The following CR1L variants were observed in gnomAD, a reference collection of about 807,000 sequenced individuals.
CR1L encodes the protein complement C3b/C4b receptor 1 like, also known as complement component receptor 1-like protein.
Under a neutral mutation model 62.3 loss-of-function variants are expected in CR1L, and 59 were observed. The observed-to-expected ratio is 0.95, with a 90% CI of 0.77 to 1.18. CR1L has a LOEUF of 1.18. Ranked by LOEUF, CR1L falls within the 50% of genes most tolerant of loss-of-function variation. CR1L has a pLI of 0.00. For synonymous variants in CR1L, 279 were observed against 248.7 expected (o/e 1.12, Z -1.15); for missense variants, 700 against 702.8 (o/e 1.00, Z 0.04).
At chr1:207,660,047 G>A (rs1663385121) in intron 1 of CR1L, among the ~76,000 whole-genome samples, 1 of 152,246 alleles carries the variant, frequency 6.6e-6, no homozygotes, top group Non-Finnish European at 1.5e-5. Context: ...GCCCACTGCA[G>A]CTCAGCAAGG....
Position 207,706,629 on chromosome 1 carries a change from C to T in CR1L, c.1329-1549C>T, listed in dbSNP as rs1024749260. On this transcript the variant is annotated intron_variant, in intron 9 of 11. Transcript: ENST00000508064. ...AAAAGAAATAAATTTATTGACACCA[C>T]ATTGATTCTACACAACACTAAATTG... Among the ~76,000 whole-genome samples the T allele has an allele frequency of 5.9e-5, 9 of 152,078 alleles. No individual in the cohort carries two copies. The South Asian group carries it at 1.0e-3, about 17-fold the overall frequency.
chr1:207,650,601 A>G (rs1438807729), intron 1 of CR1L, among the ~76,000 whole-genome samples: 2 of 152,170 alleles, frequency 1.3e-5, no homozygotes, highest in Non-Finnish European at 2.9e-5. Context: ...AAGGTTTTAA[A>G]TAGATTGGAT....
At chr1:207,650,064 C>G (rs1558009152) in intron 1 of CR1L, among the ~76,000 whole-genome samples, 1 of 151,860 alleles carries the variant, frequency 6.6e-6, no homozygotes, top group Non-Finnish European at 1.5e-5. Flanking sequence ...CTTGGGCCTC[C>G]CTTTGTTGTT....
At chr1:207,682,836 G>A (rs1221769694) in intron 3 of CR1L, among the ~76,000 whole-genome samples, 1 of 152,036 alleles carries the variant, frequency 6.6e-6, no homozygotes, top group Non-Finnish European at 1.5e-5. Flanking sequence ...CCAAATTTAT[G>A]GCACACTTTG....
intron 1 of CR1L, chr1:207,657,287 T>G (rs1430107663): frequency 4.1e-6 from 6 of 1,479,490 alleles, no homozygotes; most frequent in Non-Finnish European, 5.7e-6. Context: ...TGGTGACAAT[T>G]CAGTATGGAA....
chr1:207,697,699 G>T lies in CR1L; in HGVS notation c.1039+20G>T, dbSNP rs1664126298. 4 of 1,613,956 alleles carry T rather than the reference G, an allele frequency of 2.5e-6. No homozygotes were observed. The East Asian group carries it at 8.9e-5, about 36-fold the overall frequency. On this transcript the variant is annotated intron_variant, in intron 6 of 11. Coordinates refer to ENST00000508064, the MANE Select transcript of CR1L (RefSeq NM_175710.2). ...GTGAAGGTGACTAGACTCTTATCTG[G>T]CTTGGTATTTTTAGCTTGCGTCTTT...
chr1:207,702,323 C>A (rs1369536805), intron 9 of CR1L, among the ~76,000 whole-genome samples: 4 of 152,174 alleles, frequency 2.6e-5, no homozygotes, highest in Admixed American at 6.5e-5. Flanking sequence ...GCTCCATGGA[C>A]AAGACATTCC....
intron 1 of CR1L, among the ~76,000 whole-genome samples, chr1:207,660,346 T>C (rs747537693): frequency 6.6e-6 from 1 of 152,206 alleles, no homozygotes; most frequent in Non-Finnish European, 1.5e-5. Flanking sequence ...GGCAGCAATA[T>C]TGACTGTTCT....
At chr1:207,698,781 C>T (rs1326837947) in intron 7 of CR1L, among the ~76,000 whole-genome samples, 1 of 152,196 alleles carries the variant, frequency 6.6e-6, no homozygotes, top group Non-Finnish European at 1.5e-5. Flanking sequence ...TCTGTTCTCT[C>T]GCCAGCTATT....
chr1:207,715,717 T>C (rs1489404061), intron 10 of CR1L, among the ~76,000 whole-genome samples: 1 of 152,188 alleles, frequency 6.6e-6, no homozygotes, highest in Non-Finnish European at 1.5e-5. Flanking sequence ...ACATTTTTTT[T>C]TTCTTTTTTG....
intron 4 of CR1L, among the ~76,000 whole-genome samples, chr1:207,690,580 TATGG>T: frequency 6.6e-6 from 1 of 152,344 alleles, no homozygotes; most frequent in South Asian, 2.1e-4. Flanking sequence ...TTCTCTCAGT[TATGG>T]AGAAGCATGT....
Position 207,707,290 on chromosome 1 carries a change from T to G in CR1L, c.1329-888T>G, listed in dbSNP as rs115664350. Reference sequence around the variant, plus strand: ...CATTTTATTCATTGCTTTCTCCTCATCCTCATCATGGGACATCGTGAAATC... The same window carrying G: ...CATTTTATTCATTGCTTTCTCCTCAGCCTCATCATGGGACATCGTGAAATC... On this transcript the variant is annotated intron_variant, in intron 9 of 11. Coordinates refer to ENST00000508064, the MANE Select transcript of CR1L (RefSeq NM_175710.2). Among the ~76,000 whole-genome samples, 495 of 152,282 alleles carry G rather than the reference T, an allele frequency of 3.3e-3. 2 individuals are homozygous for G. Among genetic ancestry groups the G allele is most frequent in the Non-Finnish European group, 4.6e-3 (316 of 68,020 alleles).
In CR1L at chr1:207,646,932, C is replaced by T. The variant is rs181294145; in HGVS notation, c.97+1602C>T. Among the ~76,000 whole-genome samples, 39 of 152,194 alleles carry T rather than the reference C, an allele frequency of 2.6e-4. No individual in the cohort carries two copies. In the East Asian group the frequency reaches 7.1e-3, roughly 28 times the overall value. On this transcript the variant is annotated intron_variant, in intron 1 of 11. Coordinates refer to ENST00000508064, the MANE Select transcript of CR1L (RefSeq NM_175710.2). ...TCTTCTCTTAGGAACATTCATTCAA[C>T]AAATATGGGTCTTGTATGTCTGGTG...
intron 1 of CR1L, among the ~76,000 whole-genome samples, chr1:207,647,662 G>C (rs373831755): frequency 6.6e-6 from 1 of 152,158 alleles, no homozygotes; most frequent in South Asian, 2.1e-4. Context: ...CTAGGAAAAA[G>C]TCCCTCCTGC....
chr1:207,680,673 C>G (rs1663781709), intron 3 of CR1L, among the ~76,000 whole-genome samples: 1 of 152,112 alleles, frequency 6.6e-6, no homozygotes, highest in Non-Finnish European at 1.5e-5. Flanking sequence ...TTAAATTATT[C>G]TGAGCCATGA....
At chr1:207,715,039 G>A (rs1653958850) in intron 10 of CR1L, among the ~76,000 whole-genome samples, 1 of 152,112 alleles carries the variant, frequency 6.6e-6, no homozygotes, top group Non-Finnish European at 1.5e-5. Flanking sequence ...GGTGATGCTG[G>A]GCTATGAAGT....
chr1:207,701,628 C>A lies in CR1L; in HGVS notation c.1328+10C>A. The A allele has an allele frequency of 6.2e-7, 1 of 1,613,546 alleles. No homozygotes were observed. On this transcript the variant is annotated intron_variant, in intron 9 of 11. Coordinates refer to ENST00000508064, the MANE Select transcript of CR1L (RefSeq NM_175710.2). Reference sequence around the variant, plus strand: ...ATTCTTGTACTACAGGGTGAGTTGGCAGCAACATCTCTTGGTTCCAGAGTT... The same window carrying A: ...ATTCTTGTACTACAGGGTGAGTTGGAAGCAACATCTCTTGGTTCCAGAGTT...
At chr1:207,713,756 C>T (rs1297300023) in intron 10 of CR1L, among the ~76,000 whole-genome samples, 1 of 152,236 alleles carries the variant, frequency 6.6e-6, no homozygotes, top group African/African-American at 2.4e-5. Flanking sequence ...TCCCCACGAC[C>T]CCGAAGCCCA....
chr1:207,709,599 GC>G (rs1161326907), intron 10 of CR1L, among the ~76,000 whole-genome samples: 1 of 152,130 alleles, frequency 6.6e-6, no homozygotes, highest in Non-Finnish European at 1.5e-5. Flanking sequence ...ACATTGGGAG[GC>G]CCAAGGTAGG....
Sources: gnomAD v4.1 joint callset for allele counts (sites outside exome capture counted in the v4.1 genomes callset) on GRCh38, gnomAD v4.1.1 for gene constraint, MANE v1.5 for transcripts, NCBI Gene and HGNC (gene_info 2026-07-23, HGNC 2026-07-21) for gene names.